HDAC9: variants seen among roughly 807,000 people sequenced by gnomAD.
HDAC9 encodes MEF-2 interacting transcription repressor (MITR) protein.
Under a neutral mutation model 139.4 loss-of-function variants are expected in HDAC9, and 41 were observed. The observed-to-expected ratio is 0.29, with a 90% CI of 0.23 to 0.38. HDAC9 has a LOEUF of 0.38. HDAC9 is among the 10% of genes least tolerant of loss of function. The pLI is 1.00. For missense variants in HDAC9, 1,147 were observed against 1,297.0 expected (o/e 0.88, Z 1.78); for synonymous variants, 517 against 476.2 (o/e 1.09, Z -1.12).
chr7:18,207,129 G>A (rs1464682462), intron 2 of HDAC9, among the ~76,000 whole-genome samples: 1 of 151,748 alleles, frequency 6.6e-6, no homozygotes, highest in African/African-American at 2.4e-5. Context: ...TTTGAGATGA[G>A]TTTTTGCCAT....
intron 23 of HDAC9, among the ~76,000 whole-genome samples, chr7:18,944,091 C>T (rs1021669755): frequency 1.3e-5 from 2 of 152,154 alleles, no homozygotes; most frequent in Non-Finnish European, 2.9e-5. Context: ...TCAAATTAAA[C>T]ATACACAACT....
At chr7:18,164,734 A>G (rs1221653978) in intron 2 of HDAC9, among the ~76,000 whole-genome samples, 1 of 152,242 alleles carries the variant, frequency 6.6e-6, no homozygotes, top group Admixed American at 6.5e-5. Flanking sequence ...CAGTCAAACA[A>G]TAAGTGCTGA....
intron 21 of HDAC9, among the ~76,000 whole-genome samples, chr7:18,838,970 A>T (rs907829989): frequency 2.0e-5 from 3 of 151,974 alleles, no homozygotes; most frequent in African/African-American, 7.2e-5. Flanking sequence ...AAGATTTCAC[A>T]TTTACTGTAA....
In HDAC9 at chr7:18,651,815, C is replaced by T. The variant is rs144133491; in HGVS notation, c.1467+3132C>T. ...TAAGATTATTTGCCTCTTACAGTTA[C>T]GGTGTAAGTGTTCAAGGGCTTAGCA... On this transcript the variant is annotated intron_variant, in intron 11 of 25. Coordinates refer to ENST00000686413, the MANE Select transcript of HDAC9 (RefSeq NM_178425.4). Among the ~76,000 whole-genome samples, 158 of 152,080 alleles carry T rather than the reference C, an allele frequency of 1.0e-3. 2 individuals carry two copies. The East Asian group carries it at 0.018, about 17-fold the overall frequency.
At chr7:18,825,709 T>A (rs1301466550) in intron 17 of HDAC9, among the ~76,000 whole-genome samples, 1 of 148,836 alleles carries the variant, frequency 6.7e-6, no homozygotes, top group African/African-American at 2.4e-5. Context: ...TATATATATA[T>A]AAATTATAAA....
intron 2 of HDAC9, among the ~76,000 whole-genome samples, chr7:18,273,218 C>T (rs910499045): frequency 1.3e-5 from 2 of 151,812 alleles, no homozygotes; most frequent in Admixed American, 1.3e-4. Flanking sequence ...AGGCATGCCA[C>T]ACCATGCCTG....
intron 1 of HDAC9, among the ~76,000 whole-genome samples, chr7:18,102,076 A>G (rs924587148): frequency 1.3e-5 from 2 of 152,306 alleles, no homozygotes; most frequent in Admixed American, 1.3e-4. Flanking sequence ...GAATTATTTT[A>G]TTTTTAATCC....
At chr7:18,733,117 G>A (rs1562894521) in intron 13 of HDAC9, among the ~76,000 whole-genome samples, 1 of 143,010 alleles carries the variant, frequency 7.0e-6, no homozygotes, top group South Asian at 2.2e-4. Flanking sequence ...ATATATATGT[G>A]TATACATGTA....
At chr7:18,843,786 A>G (rs1222232705) in intron 21 of HDAC9, among the ~76,000 whole-genome samples, 3 of 152,158 alleles carry the variant, frequency 2.0e-5, no homozygotes, top group South Asian at 4.1e-4. Context: ...TTGTTTTAAT[A>G]TACTGTAAAT....
At chr7:18,195,954 T>C (rs1790699123) in intron 2 of HDAC9, among the ~76,000 whole-genome samples, 1 of 152,192 alleles carries the variant, frequency 6.6e-6, no homozygotes, top group Admixed American at 6.5e-5. Context: ...ATTTATCCTC[T>C]ACCCCATCAT....
At chr7:18,984,402 A>G (rs1785162391) in intron 25 of HDAC9, among the ~76,000 whole-genome samples, 1 of 152,128 alleles carries the variant, frequency 6.6e-6, no homozygotes, top group Non-Finnish European at 1.5e-5. Context: ...GAATTAAAAT[A>G]TTTATTACCA....
intron 12 of HDAC9, among the ~76,000 whole-genome samples, chr7:18,696,096 G>A (rs938152861): frequency 6.6e-6 from 1 of 151,826 alleles, no homozygotes; most frequent in Non-Finnish European, 1.5e-5. Flanking sequence ...GAATGCTCTT[G>A]CTTTTAATAT....
rs191762964 is a variant in HDAC9 at position 18,412,532 on chromosome 7, G to A, written c.-41-83730G>A. ...TTATTTTTACCATTTAGTGCCATAG[G>A]AATCCTATGATGAAGACACGATCAT... On this transcript the variant is annotated intron_variant, in intron 1 of 3. Coordinates refer to the HDAC9 transcript ENST00000413509. Among the ~76,000 whole-genome samples, 348 of 152,194 alleles carry A rather than the reference G, an allele frequency of 2.3e-3. 2 individuals are homozygous for A. Among genetic ancestry groups the A allele is most frequent in the Middle Eastern group, 0.01 (3 of 294 alleles).
At position 18,708,495 on chromosome 7, in the gene HDAC9, A is replaced by C. The variant is rs527423666; in HGVS notation, c.1732-19085A>C. The stretch of plus-strand genomic sequence containing the variant: ...TTTTGCAGAAATAATGAGACTGATC[A>C]TAAGGGCTTTCTGCATAAGGCCCTG... On this transcript the variant is annotated intron_variant, in intron 12 of 25. Coordinates refer to ENST00000686413, the MANE Select transcript of HDAC9 (RefSeq NM_178425.4). 9.8e-5 allele frequency among the ~76,000 whole-genome samples: 15 copies of C among 152,354 alleles called. No homozygotes were observed. In the South Asian group the frequency reaches 3.1e-3, roughly 32 times the overall value.
intron 21 of HDAC9, among the ~76,000 whole-genome samples, chr7:18,842,546 C>G (rs984083617): frequency 6.6e-6 from 1 of 152,068 alleles, no homozygotes; most frequent in Non-Finnish European, 1.5e-5. Context: ...ATTCCATTCT[C>G]TATTTTCCGT....
chr7:18,888,942 G>C (rs1800420680), intron 22 of HDAC9, among the ~76,000 whole-genome samples: 1 of 151,916 alleles, frequency 6.6e-6, no homozygotes, highest in Admixed American at 6.6e-5. Context: ...TCTCTGCCTT[G>C]GTGAAATTTG....
intron 2 of HDAC9, among the ~76,000 whole-genome samples, chr7:18,186,534 A>G (rs1386851154): frequency 6.6e-6 from 1 of 152,226 alleles, no homozygotes. Context: ...ATCTTAGGGA[A>G]AACTTCGGGT....
At chr7:18,874,259 G>A (rs1419335900) in intron 21 of HDAC9, among the ~76,000 whole-genome samples, 1 of 151,116 alleles carries the variant, frequency 6.6e-6, no homozygotes, top group East Asian at 1.9e-4. Context: ...CCATTTGGAG[G>A]AAAAAAGATG....
intron 2 of HDAC9, among the ~76,000 whole-genome samples, chr7:18,276,236 A>C (rs1247522069): frequency 6.6e-6 from 1 of 152,190 alleles, no homozygotes. Context: ...AATGGAATTA[A>C]TGGTAGGCCA....
Sources: allele counts gnomAD v4.1 joint callset (sites outside exome capture counted in the v4.1 genomes callset), GRCh38; gene constraint gnomAD v4.1.1; transcripts MANE v1.5; gene names NCBI Gene and HGNC (gene_info 2026-07-23, HGNC 2026-07-21).